Variants in DCLK1 observed in about 807,000 individuals in gnomAD.
DCLK1 encodes the protein doublecortin like kinase 1, also known as serine/threonine-protein kinase DCLK1.
A neutral mutation model predicts 86.2 loss-of-function variants in DCLK1; 16 were observed. That is an observed-to-expected ratio of 0.19 (90% CI 0.13 to 0.28). The LOEUF (loss-of-function observed/expected upper bound fraction) is 0.28, where lower values mean the gene tolerates loss of function less well. Ranked by LOEUF, DCLK1 falls within the 10% of genes least tolerant of loss-of-function variation. The pLI is 1.00. For synonymous variants in DCLK1, 369 were observed against 370.5 expected (o/e 1.00, Z 0.05); for missense variants, 590 against 940.2 (o/e 0.63, Z 4.87).
At chr13:35,972,288 G>A (rs1879104142) in intron 3 of DCLK1, among the ~76,000 whole-genome samples, 1 of 151,644 alleles carries the variant, frequency 6.6e-6, no homozygotes, top group African/African-American at 2.4e-5. Flanking sequence ...TTTTAAGATG[G>A]GGTGTCGCTA....
At chr13:35,837,811 A>T (rs1869496286) in intron 7 of DCLK1, among the ~76,000 whole-genome samples, 1 of 152,066 alleles carries the variant, frequency 6.6e-6, no homozygotes, top group East Asian at 1.9e-4. Flanking sequence ...CATGCCTGTA[A>T]TCCTAGCACT....
At chr13:35,942,923 A>C (rs1051221985) in intron 4 of DCLK1, among the ~76,000 whole-genome samples, 3 of 152,230 alleles carry the variant, frequency 2.0e-5, no homozygotes, top group Admixed American at 6.5e-5. Flanking sequence ...GACAGATCCA[A>C]ACAAATAAAT....
intron 4 of DCLK1, among the ~76,000 whole-genome samples, chr13:35,905,526 C>G (rs1358717879): frequency 6.6e-6 from 1 of 152,182 alleles, no homozygotes; most frequent in Non-Finnish European, 1.5e-5. Context: ...ATGACAAAGT[C>G]AAGAGATTTT....
chr13:35,958,324 CCATTATAACAAT>C (rs1878250716), intron 3 of DCLK1, among the ~76,000 whole-genome samples: 1 of 22,538 alleles, frequency 4.4e-5, no homozygotes, highest in African/African-American at 1.3e-4. Flanking sequence ...ACCACCACCA[CCATTATAACAAT>C]CACCACCACT....
At chr13:35,804,670 C>T (rs1396501520) in intron 15 of DCLK1, among the ~76,000 whole-genome samples, 3 of 151,342 alleles carry the variant, frequency 2.0e-5, no homozygotes, top group Non-Finnish European at 2.9e-5. Flanking sequence ...TGGCTTCAAG[C>T]GATCTGCCGG....
intron 3 of DCLK1, among the ~76,000 whole-genome samples, chr13:36,063,598 A>C (rs1566665584): frequency 6.6e-6 from 1 of 152,218 alleles, no homozygotes; most frequent in Admixed American, 6.5e-5. Context: ...ATATTACAGA[A>C]GTGACCACAC....
At chr13:35,850,337 CTA>C (rs1870516556) in intron 6 of DCLK1, 4 of 989,612 alleles carry the variant, frequency 4.0e-6, no homozygotes, top group Non-Finnish European at 4.8e-6. Flanking sequence ...AATTATATCT[CTA>C]TGTCTACTTA....
intron 3 of DCLK1, among the ~76,000 whole-genome samples, chr13:35,987,802 C>A (rs1880011257): frequency 6.6e-6 from 1 of 152,092 alleles, no homozygotes; most frequent in Non-Finnish European, 1.5e-5. Flanking sequence ...TGAGGTAACC[C>A]AATACTATGT....
intron 6 of DCLK1, chr13:35,848,092 C>T (rs1870344227): frequency 5.1e-6 from 5 of 985,136 alleles, no homozygotes; most frequent in South Asian, 4.7e-5. Context: ...GAAAAAGTAT[C>T]GAACTTTGAA....
chr13:36,051,955 G>T (rs1285093450), intron 3 of DCLK1, among the ~76,000 whole-genome samples: 1 of 152,152 alleles, frequency 6.6e-6, no homozygotes, highest in Non-Finnish European at 1.5e-5. Context: ...GAAGGGAAAA[G>T]ATCTTTAATG....
intron 16 of DCLK1, among the ~76,000 whole-genome samples, chr13:35,786,815 T>C (rs2086631575): frequency 6.6e-6 from 1 of 152,132 alleles, no homozygotes; most frequent in South Asian, 2.1e-4. Flanking sequence ...ATTATGTAGG[T>C]AAATTAAATA....
chr13:35,994,237 T>A (rs554872659), intron 3 of DCLK1, among the ~76,000 whole-genome samples: 1 of 152,176 alleles, frequency 6.6e-6, no homozygotes, highest in East Asian at 1.9e-4. Flanking sequence ...CTTCTAGAAC[T>A]TTCCCTGTAG....
chr13:35,962,767 C>G (rs1008566699), intron 3 of DCLK1, among the ~76,000 whole-genome samples: 5 of 152,116 alleles, frequency 3.3e-5, no homozygotes, highest in Non-Finnish European at 7.3e-5. Flanking sequence ...TATGTTCTGC[C>G]AACATGAAGA....
intron 8 of DCLK1, among the ~76,000 whole-genome samples, chr13:35,833,286 T>C (rs1424176009): frequency 1.3e-5 from 2 of 152,030 alleles, no homozygotes; most frequent in African/African-American, 4.8e-5. Flanking sequence ...CCTTGGCTCG[T>C]GTAGTTATTA....
chr13:35,971,266 T>C (rs1453442181), intron 3 of DCLK1, among the ~76,000 whole-genome samples: 2 of 152,160 alleles, frequency 1.3e-5, no homozygotes, highest in Admixed American at 6.6e-5. Flanking sequence ...TCAATGTAAC[T>C]GAAGCACTGA....
At chr13:36,105,312 AT>A (rs1885352804) in intron 3 of DCLK1, among the ~76,000 whole-genome samples, 1 of 152,094 alleles carries the variant, frequency 6.6e-6, no homozygotes, top group East Asian at 1.9e-4. Context: ...TTAAAATATG[AT>A]TTTTTTCCAA....
rs371896779 is a variant in DCLK1 at position 36,125,716 on chromosome 13, G to A, written c.376+46C>T. 31 of 1,568,268 alleles carry A rather than the reference G, an allele frequency of 2.0e-5. No homozygotes were observed. The Admixed American group carries it at 2.5e-4, about 13-fold the overall frequency. On this transcript the variant is annotated intron_variant, in intron 2 of 16. Coordinates refer to ENST00000360631, the MANE Select transcript of DCLK1 (RefSeq NM_001330071.2). The stretch of plus-strand genomic sequence containing the variant: ...ATCGGCTACAACACTGGAAATCTGA[G>A]CCTGGAACCTGTAGGGTCACGTGGG...
chr13:36,013,891 T>A (rs1419112559), intron 3 of DCLK1, among the ~76,000 whole-genome samples: 2 of 152,208 alleles, frequency 1.3e-5, no homozygotes, highest in Non-Finnish European at 2.9e-5. Flanking sequence ...TTCCGTGGGC[T>A]TAGGACCCTC....
At chr13:36,109,662 G>A (rs999827109) in intron 3 of DCLK1, among the ~76,000 whole-genome samples, 1 of 152,158 alleles carries the variant, frequency 6.6e-6, no homozygotes, top group African/African-American at 2.4e-5. Flanking sequence ...TAAAACACAG[G>A]TAATCATTTT....
Sources: allele counts gnomAD v4.1 joint callset (sites outside exome capture counted in the v4.1 genomes callset), GRCh38; gene constraint gnomAD v4.1.1; transcripts MANE v1.5; gene names NCBI Gene and HGNC (gene_info 2026-07-23, HGNC 2026-07-21).